Variants in PELI3 observed in about 807,000 individuals in gnomAD.
PELI3 encodes the protein E3 ubiquitin-protein ligase pellino homolog 3.
In PELI3, 19 loss-of-function variants were observed where a neutral mutation model predicts 35.5. The ratio of observed to expected loss-of-function variants is 0.54; its 90% CI spans 0.37 to 0.79. PELI3 has a LOEUF of 0.79. Ranked by LOEUF, PELI3 falls within the 30% of genes least tolerant of loss-of-function variation. The pLI is 0.00. For missense variants in PELI3, 490 were observed against 661.2 expected (o/e 0.74, Z 2.84); for synonymous variants, 262 against 279.2 (o/e 0.94, Z 0.62).
At chr11:66,475,549 C>T in intron 7 of PELI3, 49 bp from the exon 8 acceptor site, 4 of 1,590,358 alleles carry the variant, frequency 2.5e-6, no homozygotes, top group Middle Eastern at 1.7e-4. Context: ...GGACCCGCGG[C>T]TCAGCAGGGG....
chr11:66,470,302 C>T (rs943020025), intron 3 of PELI3, among the ~76,000 whole-genome samples: 2 of 152,188 alleles, frequency 1.3e-5, no homozygotes, highest in Non-Finnish European at 2.9e-5. Flanking sequence ...GCCACCATTC[C>T]CTGATCTCAT....
chr11:66,469,264 G>A (rs1410510065), intron 3 of PELI3, among the ~76,000 whole-genome samples: 1 of 141,024 alleles, frequency 7.1e-6, no homozygotes, highest in East Asian at 2.1e-4. Flanking sequence ...AAAAAAAAAA[G>A]CAGTAATAGT....
Position 66,475,614 on chromosome 11 carries a change from A to T in PELI3, c.857A>T (p.Asn286Ile). The change falls in exon 8 of 8, where the codon AAC becomes ATC. Residue 286 changes from asparagine to isoleucine, a missense_variant. By Grantham distance (149) the Asn-to-Ile change is moderately radical. Transcript: ENST00000320740. ...QRGKLVENES[N>I]VLQDGSLIDL... is the part of the protein sequence containing the mutation. Reference sequence around the variant, plus strand: ...CTCTGGCAGGTGGAAAACGAGTCCAACGTGCTGCAGGACGGCTCTCTCATC... The same window carrying T: ...CTCTGGCAGGTGGAAAACGAGTCCATCGTGCTGCAGGACGGCTCTCTCATC... 6.2e-7 allele frequency: 1 copy of T among 1,612,198 alleles called. No individual in the cohort carries two copies. The highest frequency in any genetic ancestry group is 8.5e-7 in the Non-Finnish European group (1 of 1,179,750).
At position 66,471,247 on chromosome 11, in the gene PELI3, A is replaced by G. The variant is rs1449944681; in HGVS notation, c.230A>G (p.Asn77Ser). Residue 77 changes from asparagine (N) to serine (S), a missense_variant, in exon 4 of 8, where the codon AAT (asparagine) becomes AGT (serine). Asn to Ser is a conservative substitution (Grantham distance 46). Coordinates refer to ENST00000320740, the MANE Select transcript of PELI3 (RefSeq NM_145065.3). ...TTAACCCCCGACATCTACAGCTACA[A>G]TGGTTGTCTGGCAAGTGGGGACAAG... is the stretch of plus-strand genomic sequence containing the variant. ...VTGPRAHSCY[N>S]GCLASGDKGR... The G allele has an allele frequency of 1.2e-6, 2 of 1,612,520 alleles. No homozygotes were observed. Among genetic ancestry groups the G allele is most frequent in the South Asian group, 2.2e-5 (2 of 90,996 alleles).
At chr11:66,469,205 T>A (rs754756692) in intron 3 of PELI3, among the ~76,000 whole-genome samples, 58 of 151,796 alleles carry the variant, frequency 3.8e-4, no homozygotes, top group Non-Finnish European at 4.4e-4. Flanking sequence ...TAAGCTATAT[T>A]ATCATTAAGA....
chr11:66,466,620 G>A (rs1854533223), upstream of PELI3: 1 of 152,344 alleles, frequency 6.6e-6, no homozygotes. Context: ...AATGGGGGAG[G>A]GGTCGTGTAG....
At chr11:66,468,356 C>T (rs1421787400) in intron 2 of PELI3, 76 bp downstream of exon 2, 3 of 1,349,314 alleles carry the variant, frequency 2.2e-6, no homozygotes, top group African/African-American at 1.5e-5. Flanking sequence ...CCCGACCCCT[C>T]CTCCCCCCAC....
Position 66,475,715 on chromosome 11 carries a change from G to T in PELI3, c.958G>T (p.Ala320Ser). The T allele has an allele frequency of 6.2e-7, 1 of 1,612,208 alleles. No individual in the cohort carries two copies. Among genetic ancestry groups the T allele is most frequent in the Non-Finnish European group, 8.5e-7 (1 of 1,179,700 alleles). ...LRAPTLKQLE[A>S]QRQEANAARP... ...GGCTCCCACACTGAAGCAACTGGAG[G>T]CCCAGCGGCAGGAGGCAAATGCAGC... Residue 320 changes from alanine (A) to serine (S), a missense_variant, in exon 8 of 8, where the codon GCC (alanine) becomes TCC (serine). This residue lies in a region of PELI3 where 349 missense variants were observed against 484.8 expected (regional missense o/e 0.72). Transcript: ENST00000320740.
chr11:66,474,033 G>A (rs749122159), intron 7 of PELI3, 108 bp downstream of exon 7: 4 of 1,394,370 alleles, frequency 2.9e-6, no homozygotes, highest in South Asian at 2.4e-5. Flanking sequence ...GCCCCAGGGA[G>A]CCCCAACAGG....
Position 66,467,835 on chromosome 11 carries a change from G to A in PELI3, c.-1-293G>A, listed in dbSNP as rs1357824203. ...AACTCATTGGGTGCCCCGCTTTGAA[G>A]CACATCCCAGACTGGGATCTTGGCC... On this transcript the variant is annotated intron_variant, in intron 1 of 7. Coordinates refer to ENST00000320740, the MANE Select transcript of PELI3 (RefSeq NM_145065.3). The surrounding 1 kb of genome is among the most constrained non-coding windows in gnomAD (Gnocchi z 4.2). Among the ~76,000 whole-genome samples the A allele has an allele frequency of 6.6e-6, 1 of 152,228 alleles. No homozygotes were observed. The highest frequency in any genetic ancestry group is 2.4e-5 in the African/African-American group (1 of 41,460).
intron 3 of PELI3, among the ~76,000 whole-genome samples, chr11:66,469,791 G>GTTTGTTT (rs1854651787): frequency 8.0e-6 from 1 of 124,610 alleles, no homozygotes; most frequent in African/African-American, 3.1e-5. Context: ...CAGGGAATCT[G>GTTTGTTT]TTTTTTTTTT....
rs757632395 is a variant in PELI3 at position 66,473,368 on chromosome 11, G to C, written c.584G>C (p.Arg195Pro). The C allele has an allele frequency of 6.2e-7, 1 of 1,613,480 alleles. No individual in the cohort carries two copies. The highest frequency in any genetic ancestry group is 2.2e-5 in the East Asian group (1 of 44,882). Reference protein sequence around the residue: ...SRYACRILCDRRPPYTARIYA... With the variant: ...SRYACRILCDPRPPYTARIYA... ...TATGCCTGCCGCATCCTCTGTGACCGCCGGCCACCCTATACTGCCCGCATC... is the reference window on the plus strand; with the variant it reads ...TATGCCTGCCGCATCCTCTGTGACCCCCGGCCACCCTATACTGCCCGCATC... Residue 195 changes from arginine to proline, a missense_variant, in exon 6 of 8, where the codon CGC becomes CCC. By Grantham distance (103) the Arg-to-Pro change is moderately radical (BLOSUM62 -2). Coordinates refer to ENST00000320740, the MANE Select transcript of PELI3 (RefSeq NM_145065.3). This position sits in a 1 kb window ranked among gnomAD's most constrained non-coding sequence, Gnocchi z 5.8.
At position 66,475,886 on chromosome 11, in the gene PELI3, C is replaced by CG; in HGVS notation, c.1133dup (p.Gln380ProfsTer33). The CG allele has an allele frequency of 6.2e-7, 1 of 1,604,800 alleles. No homozygotes were observed. Among genetic ancestry groups the CG allele is most frequent in the Non-Finnish European group, 8.5e-7 (1 of 1,176,606 alleles). ...CCACGGCTGGGGCTGCCGGCGGGAGCGGGGCCCCCAGGAGCGCGAATGTCC... is the reference window on the plus strand; with the variant it reads ...CCACGGCTGGGGCTGCCGGCGGGAGCGGGGGCCCCCAGGAGCGCGAATGTCC... On this transcript the variant is annotated frameshift_variant, in exon 8 of 8. Coordinates refer to ENST00000320740, the MANE Select transcript of PELI3 (RefSeq NM_145065.3). LOFTEE classifies it high-confidence loss of function.
chr11:66,468,429 C>T, intron 2 of PELI3, 149 bp downstream of exon 2: 6 of 741,936 alleles, frequency 8.1e-6, no homozygotes, highest in Non-Finnish European at 1.2e-5. Flanking sequence ...TTGACCAAAC[C>T]CACCTCAATT....
rs34989499 is a variant in PELI3 at position 66,475,616 on chromosome 11, G to A, written c.859G>A (p.Val287Met). ...CTGGCAGGTGGAAAACGAGTCCAAC[G>A]TGCTGCAGGACGGCTCTCTCATCGA... The part of the protein sequence containing the change: ...RGKLVENESN[V>M]LQDGSLIDLC... The change falls in exon 8 of 8, where the codon GTG becomes ATG. Residue 287 changes from valine (V) to methionine (M), a missense_variant. Physicochemically the swap from Val to Met is conservative, Grantham distance 21. Coordinates refer to ENST00000320740, the MANE Select transcript of PELI3 (RefSeq NM_145065.3). 5.8e-4 allele frequency: 938 copies of A among 1,612,360 alleles called. 7 individuals carry two copies. The African/African-American group carries it at 0.011, about 19-fold the overall frequency.
chr11:66,474,151 G>A (rs1854821827), intron 7 of PELI3: 1 of 690,552 alleles, frequency 1.4e-6, no homozygotes, highest in Non-Finnish European at 2.6e-6. Flanking sequence ...TACCACTGGA[G>A]GTCCAGGGGG....
Position 66,475,606 on chromosome 11 carries a change from C to T in PELI3, c.849C>T (p.Asn283=), listed in dbSNP as rs759990043. 5.0e-6 allele frequency: 8 copies of T among 1,611,836 alleles called. No homozygotes were observed. Among genetic ancestry groups the T allele is most frequent in the African/African-American group, 1.3e-5 (1 of 74,868 alleles). Residue 283 remains asparagine (N), a synonymous_variant, in exon 8 of 8, where the codon AAC becomes AAT. Coordinates refer to ENST00000320740, the MANE Select transcript of PELI3 (RefSeq NM_145065.3). ...TCTACTGCCTCTGGCAGGTGGAAAACGAGTCCAACGTGCTGCAGGACGGCT... is the reference window on the plus strand; with the variant it reads ...TCTACTGCCTCTGGCAGGTGGAAAATGAGTCCAACGTGCTGCAGGACGGCT... ...SAQQRGKLVE[N]ESNVLQDGSL...
intron 5 of PELI3, among the ~76,000 whole-genome samples, chr11:66,472,951 CTTATAA>C (rs1239428964): frequency 6.6e-6 from 1 of 152,224 alleles, no homozygotes; most frequent in African/African-American, 2.4e-5. Context: ...TGAGCACCCT[CTTATAA>C]TTATATCAGC....
intron 3 of PELI3, among the ~76,000 whole-genome samples, chr11:66,469,264 G>C (rs1410510065): frequency 7.1e-6 from 1 of 141,024 alleles, no homozygotes; most frequent in African/African-American, 2.7e-5. Flanking sequence ...AAAAAAAAAA[G>C]CAGTAATAGT....
Sources: allele counts gnomAD v4.1 joint callset (sites outside exome capture counted in the v4.1 genomes callset), GRCh38; gene constraint gnomAD v4.1.1; regional missense constraint gnomAD v4.1.1; non-coding constraint Gnocchi (gnomAD v3.1); transcripts MANE v1.5; gene names NCBI Gene and HGNC (gene_info 2026-07-23, HGNC 2026-07-21).